Variants in CNTN4 observed in about 807,000 individuals in gnomAD.
The protein encoded by CNTN4 is contactin 4.
A neutral mutation model predicts 122.5 loss-of-function variants in CNTN4; 77 were observed. The observed-to-expected ratio is 0.63, with a 90% CI of 0.52 to 0.76. The LOEUF is 0.76. Among genes scored for constraint, CNTN4 ranks in the 30% least tolerant of loss-of-function variants. CNTN4 has a pLI of 0.00. For synonymous variants in CNTN4, 512 were observed against 447.0 expected (o/e 1.15, Z -1.83); for missense variants, 1,256 against 1,259.1 (o/e 1.00, Z 0.04).
At chr3:2,282,086 G>A (rs896171060) in intron 2 of CNTN4, among the ~76,000 whole-genome samples, 2 of 151,882 alleles carry the variant, frequency 1.3e-5, no homozygotes, top group African/African-American at 4.8e-5. Context: ...TTACTATGTG[G>A]AAGCTGATAA....
At chr3:2,761,790 C>G (rs1448237744) in intron 6 of CNTN4, among the ~76,000 whole-genome samples, 1 of 152,048 alleles carries the variant, frequency 6.6e-6, no homozygotes, top group Non-Finnish European at 1.5e-5. Flanking sequence ...ACATAAAATT[C>G]AAGGTCAGTA....
At chr3:2,331,881 C>T (rs944826157) in intron 2 of CNTN4, among the ~76,000 whole-genome samples, 2 of 152,126 alleles carry the variant, frequency 1.3e-5, no homozygotes, top group African/African-American at 4.8e-5. Flanking sequence ...CTGCCCAGTC[C>T]CCTGCCGCTG....
At chr3:2,993,963 CA>C (rs1172254560) in intron 14 of CNTN4, among the ~76,000 whole-genome samples, 1 of 152,108 alleles carries the variant, frequency 6.6e-6, no homozygotes, top group Non-Finnish European at 1.5e-5. Context: ...GATAATAAAT[CA>C]TTGATTGAGA....
At position 2,866,962 on chromosome 3, in the gene CNTN4, GTAATTTTGT is replaced by G; in HGVS notation, c.652+24_652+32del. 6.2e-7 allele frequency: 1 copy of G among 1,611,236 alleles called. No individual in the cohort carries two copies. The highest frequency in any genetic ancestry group is 8.5e-7 in the Non-Finnish European group (1 of 1,177,668). ...TTGAGAAATGATGGTGAGTTTTCAA[GTAATTTTGT>G]TAATTTTGTTTCTGCAATCACAGGA... On this transcript the variant is annotated intron_variant, in intron 8 of 24. Coordinates refer to ENST00000418658, the MANE Select transcript of CNTN4 (RefSeq NM_175607.3).
intron 3 of CNTN4, among the ~76,000 whole-genome samples, chr3:2,431,010 G>A (rs2048048365): frequency 6.6e-6 from 1 of 151,994 alleles, no homozygotes; most frequent in African/African-American, 2.4e-5. Flanking sequence ...TCCAGTATGT[G>A]GTACACTTCA....
At chr3:2,478,960 G>A (rs1273005765) in intron 3 of CNTN4, among the ~76,000 whole-genome samples, 2 of 151,800 alleles carry the variant, frequency 1.3e-5, no homozygotes, top group Admixed American at 6.6e-5. Flanking sequence ...TCACAGCTTT[G>A]GCAAAAGGCT....
At chr3:2,157,003 T>G (rs2035751407) in intron 2 of CNTN4, among the ~76,000 whole-genome samples, 1 of 152,194 alleles carries the variant, frequency 6.6e-6, no homozygotes, top group Admixed American at 6.5e-5. Context: ...AATGACCTTC[T>G]TCCTTTTTGC....
At position 2,504,879 on chromosome 3, in the gene CNTN4, A is replaced by G. The variant is rs73114219; in HGVS notation, c.-88-66537A>G. Among the ~76,000 whole-genome samples the G allele has an allele frequency of 3.1e-3, 471 of 152,282 alleles. 3 individuals carry two copies. The highest frequency in any genetic ancestry group is 0.011 in the African/African-American group (447 of 41,580). On this transcript the variant is annotated intron_variant, in intron 3 of 24. Coordinates refer to ENST00000418658, the MANE Select transcript of CNTN4 (RefSeq NM_175607.3). ...AAAAATGTCAATGTAATAAGAGACA[A>G]TAAAAGGTTGGGGGACTGTTCTCTA...
At chr3:2,310,905 C>T (rs1432098235) in intron 2 of CNTN4, among the ~76,000 whole-genome samples, 1 of 152,108 alleles carries the variant, frequency 6.6e-6, no homozygotes, top group Non-Finnish European at 1.5e-5. Context: ...GATAGCTATT[C>T]AACCTGTCTT....
intron 6 of CNTN4, among the ~76,000 whole-genome samples, chr3:2,782,278 A>G (rs1003887291): frequency 5.3e-5 from 8 of 149,736 alleles, no homozygotes; most frequent in African/African-American, 1.2e-4. Context: ...GAGGAAGTCC[A>G]TTTAGATGGT....
chr3:2,206,435 G>C (rs575271818), intron 2 of CNTN4, among the ~76,000 whole-genome samples: 1 of 152,000 alleles, frequency 6.6e-6, no homozygotes, highest in Non-Finnish European at 1.5e-5. Flanking sequence ...ATATACATTT[G>C]TGTCAGTGTT....
intron 2 of CNTN4, among the ~76,000 whole-genome samples, chr3:2,324,916 C>A (rs577596806): frequency 1.8e-3 from 272 of 152,188 alleles, no homozygotes; most frequent in Non-Finnish European, 2.9e-3. Context: ...AATGAAGCTG[C>A]AATTTCTTTT....
At chr3:2,536,157 C>A (rs2077796034) in intron 3 of CNTN4, among the ~76,000 whole-genome samples, 1 of 152,112 alleles carries the variant, frequency 6.6e-6, no homozygotes, top group Non-Finnish European at 1.5e-5. Flanking sequence ...CAGTTCAGAA[C>A]CACATCTCCC....
intron 2 of CNTN4, among the ~76,000 whole-genome samples, chr3:2,199,425 C>A (rs1362215603): frequency 6.6e-6 from 1 of 151,936 alleles, no homozygotes; most frequent in Non-Finnish European, 1.5e-5. Context: ...CTGTCCCTAC[C>A]ATATTTTTAT....
intron 2 of CNTN4, among the ~76,000 whole-genome samples, chr3:2,303,817 T>C (rs966039245): frequency 1.3e-5 from 2 of 152,196 alleles, no homozygotes; most frequent in Non-Finnish European, 2.9e-5. Context: ...GCTGAGATCC[T>C]CAGAGAGGTA....
At chr3:2,103,178 C>T (rs993646043) in intron 2 of CNTN4, among the ~76,000 whole-genome samples, 1 of 148,302 alleles carries the variant, frequency 6.7e-6, no homozygotes, top group African/African-American at 2.6e-5. Context: ...GATTTTTTAA[C>T]AGCTTTTTTT....
At chr3:2,298,552 A>G (rs937713756) in intron 2 of CNTN4, among the ~76,000 whole-genome samples, 2 of 152,150 alleles carry the variant, frequency 1.3e-5, no homozygotes, top group Non-Finnish European at 2.9e-5. Context: ...CTCTCCGTCC[A>G]TATATCTCTC....
intron 2 of CNTN4, among the ~76,000 whole-genome samples, chr3:2,124,098 C>T (rs537374188): frequency 2.6e-5 from 4 of 152,118 alleles, no homozygotes; most frequent in Non-Finnish European, 4.4e-5. Flanking sequence ...GGAAAAAAAT[C>T]ACTTACAATA....
chr3:2,257,138 A>G (rs1321999077), intron 2 of CNTN4, among the ~76,000 whole-genome samples: 1 of 152,236 alleles, frequency 6.6e-6, no homozygotes, highest in East Asian at 1.9e-4. Context: ...AATGCCTCAC[A>G]TCTACACCCA....
Sources: allele counts gnomAD v4.1 joint callset (sites outside exome capture counted in the v4.1 genomes callset), GRCh38; gene constraint gnomAD v4.1.1; transcripts MANE v1.5; gene names NCBI Gene and HGNC (gene_info 2026-07-23, HGNC 2026-07-21).